CMSS1: variants seen among roughly 807,000 people sequenced by gnomAD.
CMSS1 encodes the protein cms1 ribosomal small subunit homolog.
In CMSS1, 33 loss-of-function variants were observed where a neutral mutation model predicts 43.5. That is an observed-to-expected ratio of 0.76 (90% CI 0.57 to 1.01). The LOEUF (loss-of-function observed/expected upper bound fraction) is 1.01, where lower values mean the gene tolerates loss of function less well. CMSS1 is among the 50% of genes least tolerant of loss of function. CMSS1 has a pLI of 0.00. For missense variants in CMSS1, 313 were observed against 326.4 expected (o/e 0.96, Z 0.32); for synonymous variants, 115 against 117.2 (o/e 0.98, Z 0.12).
chr3:100,147,067 G>A lies in CMSS1; in HGVS notation c.153+6G>A. On this transcript the variant is annotated splice_donor_region_variant and intron_variant, in intron 2 of 9. Coordinates refer to ENST00000421999, the MANE Select transcript of CMSS1 (RefSeq NM_032359.4). Reference sequence around the variant, plus strand: ...CTTCAGAGAAAACCAAACAGGTGAGGGGTCACTGTGGGAGAGCCACCACTG... The same window carrying A: ...CTTCAGAGAAAACCAAACAGGTGAGAGGTCACTGTGGGAGAGCCACCACTG... 1 of 1,613,504 alleles carries A rather than the reference G, an allele frequency of 6.2e-7. No homozygotes were observed. Among genetic ancestry groups the A allele is most frequent in the Non-Finnish European group, 8.5e-7 (1 of 1,179,724 alleles).
At chr3:99,930,052 A>G in intron 1 of CMSS1, 1 of 1,583,298 alleles carries the variant, frequency 6.3e-7, no homozygotes, top group Non-Finnish European at 8.6e-7. Context: ...AAAGTATTTC[A>G]GAAAGCCTGC....
chr3:100,080,999 ATT>A, intron 1 of CMSS1, among the ~76,000 whole-genome samples: 1 of 152,298 alleles, frequency 6.6e-6, no homozygotes, highest in Admixed American at 6.5e-5. Context: ...TTATGTCATT[ATT>A]TATTCAAGAA....
chr3:100,177,651 A>G (rs1412718493), intron 9 of CMSS1, among the ~76,000 whole-genome samples: 1 of 152,206 alleles, frequency 6.6e-6, no homozygotes, highest in Non-Finnish European at 1.5e-5. Flanking sequence ...TAATGAAACT[A>G]ATGTTTTATA....
At chr3:99,825,009 G>A (rs908978607) in intron 1 of CMSS1, among the ~76,000 whole-genome samples, 7 of 152,166 alleles carry the variant, frequency 4.6e-5, no homozygotes, top group Non-Finnish European at 1.0e-4. Flanking sequence ...TTAAACCCAA[G>A]TACCCAGGTT....
intron 1 of CMSS1, chr3:100,114,905 C>T (rs1373254078): frequency 3.2e-5 from 48 of 1,503,248 alleles, no homozygotes; most frequent in Non-Finnish European, 8.9e-7. Context: ...GTGTTGGACT[C>T]AAACTTGAAT....
intron 1 of CMSS1, among the ~76,000 whole-genome samples, chr3:99,919,446 A>G (rs965584032): frequency 6.7e-6 from 1 of 149,348 alleles, no homozygotes; most frequent in South Asian, 2.2e-4. Flanking sequence ...TGCAGTAGAC[A>G]TATATATTTA....
At chr3:99,983,689 C>CAA (rs533900254) in intron 1 of CMSS1, among the ~76,000 whole-genome samples, 1 of 89,950 alleles carries the variant, frequency 1.1e-5, no homozygotes, top group Non-Finnish European at 2.3e-5. Flanking sequence ...GACTCAGTCT[C>CAA]AAAAAAAAAA....
At position 99,879,345 on chromosome 3, in the gene CMSS1, G is replaced by A. The variant is rs13323384; in HGVS notation, c.64+61302G>A. Among the ~76,000 whole-genome samples the A allele has an allele frequency of 5.1e-3, 770 of 152,322 alleles. 6 individuals are homozygous for A. Among genetic ancestry groups the A allele is most frequent in the African/African-American group, 0.017 (725 of 41,578 alleles). The stretch of plus-strand genomic sequence containing the variant: ...CCAGTTTCCCTGGTTCGAGCTAATT[G>A]TCAGGAGGCCATGACAATGACCACA... On this transcript the variant is annotated intron_variant, in intron 1 of 9. Coordinates refer to ENST00000421999, the MANE Select transcript of CMSS1 (RefSeq NM_032359.4).
intron 1 of CMSS1, among the ~76,000 whole-genome samples, chr3:100,003,216 T>C (rs1393044636): frequency 6.6e-6 from 1 of 152,206 alleles, no homozygotes; most frequent in Non-Finnish European, 1.5e-5. Context: ...ATAAGTGGAC[T>C]TCATACCAAT....
At chr3:100,165,865 A>C (rs1363320221) in intron 4 of CMSS1, among the ~76,000 whole-genome samples, 1 of 152,210 alleles carries the variant, frequency 6.6e-6, no homozygotes, top group Non-Finnish European at 1.5e-5. Flanking sequence ...ACAGTTCACA[A>C]GAGTTTCCAT....
At chr3:99,925,970 T>G in intron 1 of CMSS1, 2 of 710,944 alleles carry the variant, frequency 2.8e-6, no homozygotes, top group Non-Finnish European at 3.5e-6. Context: ...AGTGATAAAT[T>G]AATATCTATT....
At chr3:100,026,497 GTTGACCAGATCTTCCAGTAT>G (rs1391246868) in intron 1 of CMSS1, among the ~76,000 whole-genome samples, 5 of 152,124 alleles carry the variant, frequency 3.3e-5, no homozygotes, top group Non-Finnish European at 7.4e-5. Context: ...CAGTTATGTA[GTTGACCAGATCTTCCAGTAT>G]TTTGAGAGGA....
intron 1 of CMSS1, among the ~76,000 whole-genome samples, chr3:99,976,195 T>C (rs1708966193): frequency 6.6e-6 from 1 of 152,160 alleles, no homozygotes; most frequent in South Asian, 2.1e-4. Flanking sequence ...TTAATAGATA[T>C]AAAGCACTTA....
Position 99,817,894 on chromosome 3 carries a change from C to T in CMSS1, c.-86C>T. Reference sequence around the variant, plus strand: ...AGCGGGAGCTCCGCGTGTAGCTACGCCGGCCGCCTGGCTTTGAGACAACGT... The same window carrying T: ...AGCGGGAGCTCCGCGTGTAGCTACGTCGGCCGCCTGGCTTTGAGACAACGT... On this transcript the variant is annotated 5_prime_UTR_variant, in exon 1 of 10. Transcript: ENST00000421999. 2 of 1,438,688 alleles carry T rather than the reference C, an allele frequency of 1.4e-6. No individual in the cohort carries two copies. Among genetic ancestry groups the T allele is most frequent in the South Asian group, 2.3e-5 (2 of 85,328 alleles). 89.1% of individuals were successfully genotyped at this position (1,438,688 alleles called of 1,614,324 possible).
Position 100,162,347 on chromosome 3 carries a change from GT to G in CMSS1, c.272del (p.Leu91TyrfsTer8), listed in dbSNP as rs748488314. On this transcript the variant is annotated frameshift_variant, in exon 4 of 10. Coordinates refer to ENST00000421999, the MANE Select transcript of CMSS1 (RefSeq NM_032359.4). LOFTEE classifies it high-confidence loss of function. ...TTGCAAAATCAGAACCAAAACCAGG[GT>G]TACCTGAAGACCTACAGAAGCTGAT... The part of the protein sequence containing the change: ...VLAKSEPKPG[L>X]PEDLQKLMKD... The G allele has an allele frequency of 6.2e-6, 10 of 1,613,104 alleles. No homozygotes were observed. The African/African-American group carries it at 1.2e-4, about 19-fold the overall frequency.
intron 1 of CMSS1, chr3:99,850,496 C>T (rs773071545): frequency 1.2e-6 from 2 of 1,613,214 alleles, no homozygotes; most frequent in Non-Finnish European, 1.7e-6. Context: ...CTGCACTGCT[C>T]CTCCATTTTT....
intron 4 of CMSS1, among the ~76,000 whole-genome samples, chr3:100,165,696 A>C (rs763247846): frequency 2.0e-5 from 3 of 152,154 alleles, no homozygotes; most frequent in Admixed American, 1.3e-4. Context: ...TGCTATCACA[A>C]ATAATGTCAG....
chr3:100,080,720 T>C (rs1376155853), intron 1 of CMSS1, among the ~76,000 whole-genome samples: 1 of 152,222 alleles, frequency 6.6e-6, no homozygotes, highest in Admixed American at 6.5e-5. Context: ...CATTTCTTGG[T>C]CATATCAGCT....
intron 1 of CMSS1, among the ~76,000 whole-genome samples, chr3:99,934,090 C>T (rs1576583692): frequency 6.6e-6 from 1 of 152,220 alleles, no homozygotes. Flanking sequence ...TCTCAACTTA[C>T]AAGAAGCTAG....
Sources: allele counts gnomAD v4.1 joint callset (sites outside exome capture counted in the v4.1 genomes callset), GRCh38; gene constraint gnomAD v4.1.1; transcripts MANE v1.5; gene names NCBI Gene and HGNC (gene_info 2026-07-23, HGNC 2026-07-21).